Variants in SLC2A13 observed in about 807,000 individuals in gnomAD.
SLC2A13 encodes solute carrier family 2 member 13.
In SLC2A13, 32 loss-of-function variants were observed where a neutral mutation model predicts 64.4. The observed-to-expected ratio is 0.50, with a 90% CI of 0.37 to 0.67. The LOEUF (loss-of-function observed/expected upper bound fraction) is 0.67. Among genes scored for constraint, SLC2A13 ranks in the 30% least tolerant of loss-of-function variants. The pLI is 0.00. For missense variants in SLC2A13, 743 were observed against 829.2 expected (o/e 0.90, Z 1.28); for synonymous variants, 338 against 327.1 (o/e 1.03, Z -0.36).
At chr12:39,931,249 G>A (rs1412440975) in intron 4 of SLC2A13, among the ~76,000 whole-genome samples, 2 of 152,062 alleles carry the variant, frequency 1.3e-5, no homozygotes, top group African/African-American at 2.4e-5. Context: ...TATAAGGATC[G>A]TCTACTTCTT....
chr12:40,011,654 C>T (rs1947534355), intron 3 of SLC2A13, among the ~76,000 whole-genome samples: 1 of 152,146 alleles, frequency 6.6e-6, no homozygotes, highest in Non-Finnish European at 1.5e-5. Context: ...CCTCCCTCCC[C>T]GTCTCCTCCC....
chr12:39,954,175 C>T (rs187694298), intron 3 of SLC2A13, among the ~76,000 whole-genome samples: 8 of 152,278 alleles, frequency 5.3e-5, no homozygotes, highest in South Asian at 2.1e-4. Flanking sequence ...ACAAATGAGG[C>T]GAACCCTGTA....
chr12:39,975,359 A>C (rs1422118014), intron 3 of SLC2A13, among the ~76,000 whole-genome samples: 5 of 152,236 alleles, frequency 3.3e-5, no homozygotes, highest in African/African-American at 4.8e-5. Context: ...TATTTTAACT[A>C]CGTACATTCT....
At chr12:40,044,780 A>C (rs777041813) in intron 2 of SLC2A13, among the ~76,000 whole-genome samples, 24 of 152,166 alleles carry the variant, frequency 1.6e-4, no homozygotes, top group Non-Finnish European at 3.2e-4. Flanking sequence ...ACAACATCAA[A>C]ATCTAAATTG....
chr12:39,767,398 G>C (rs916629561), intron 7 of SLC2A13, among the ~76,000 whole-genome samples: 3 of 151,156 alleles, frequency 2.0e-5, no homozygotes, highest in Non-Finnish European at 4.4e-5. Flanking sequence ...AGGTTTTTTT[G>C]TTTCGTTTTA....
chr12:39,857,739 C>T (rs1270739589), intron 6 of SLC2A13, among the ~76,000 whole-genome samples: 3 of 152,146 alleles, frequency 2.0e-5, no homozygotes, highest in African/African-American at 4.8e-5. Context: ...CTGTCATTGG[C>T]CTGCTATCCA....
chr12:40,066,499 T>A (rs1937731986), intron 1 of SLC2A13, among the ~76,000 whole-genome samples: 1 of 152,154 alleles, frequency 6.6e-6, no homozygotes, highest in South Asian at 2.1e-4. Flanking sequence ...GTTCTAGAGG[T>A]AGAATTAAGA....
intron 4 of SLC2A13, among the ~76,000 whole-genome samples, chr12:39,906,797 T>C (rs770469382): frequency 1.8e-4 from 28 of 152,108 alleles, no homozygotes; most frequent in Non-Finnish European, 3.5e-4. Context: ...AATTGAACGT[T>C]GATAAAGTGG....
intron 1 of SLC2A13, among the ~76,000 whole-genome samples, chr12:40,057,112 G>A (rs1432245704): frequency 6.6e-6 from 1 of 152,036 alleles, no homozygotes; most frequent in African/African-American, 2.4e-5. Context: ...AAAAACACAC[G>A]AATTTAATAG....
chr12:40,105,198 G>A lies in SLC2A13; in HGVS notation c.556+55C>T. ...TGGGCAAGAGGCACGCAACACCCAG[G>A]GTCAAGGGCGGTGACAATGGGATCC... On this transcript the variant is annotated intron_variant, in intron 1 of 9. Transcript: ENST00000280871. This position sits in a 1 kb window ranked among gnomAD's most constrained non-coding sequence, Gnocchi z 4.2. 1 of 1,474,446 alleles carries A rather than the reference G, an allele frequency of 6.8e-7. No individual in the cohort carries two copies. Among genetic ancestry groups the A allele is most frequent in the East Asian group, 2.6e-5 (1 of 38,944 alleles). The allele number at this position is 1,474,446 out of a possible 1,614,324, so 91.3% of individuals were successfully genotyped here. A position where few individuals can be genotyped will look rare whatever the true frequency, so the allele number is the denominator to read the frequency against.
At chr12:39,816,828 G>A (rs1360952699) in intron 7 of SLC2A13, among the ~76,000 whole-genome samples, 1 of 152,020 alleles carries the variant, frequency 6.6e-6, no homozygotes, top group African/African-American at 2.4e-5. Context: ...ATGCTTTACT[G>A]AATTCAGAAG....
chr12:40,049,048 T>C (rs1948210635), intron 1 of SLC2A13, among the ~76,000 whole-genome samples: 1 of 152,152 alleles, frequency 6.6e-6, no homozygotes, highest in Non-Finnish European at 1.5e-5. Context: ...CCAAATGATT[T>C]CTTAAAGTCT....
chr12:39,889,101 C>T (rs1422282175), intron 4 of SLC2A13, among the ~76,000 whole-genome samples: 4 of 152,008 alleles, frequency 2.6e-5, no homozygotes, highest in Non-Finnish European at 5.9e-5. Context: ...AAGAATTGCT[C>T]TTATTTTTGC....
In SLC2A13 at chr12:39,864,824, G is replaced by T; in HGVS notation, c.1257C>A (p.Ser419=). The change falls in exon 6 of 10, where the codon TCC becomes TCA. Residue 419 remains serine, a synonymous_variant. Coordinates refer to ENST00000280871, the MANE Select transcript of SLC2A13 (RefSeq NM_052885.4). The part of the protein sequence containing the change: ...ALGFVLSAQV[S]PRITFKPIAP... ...CTATTGGCTTAAAAGTGATGCGTGG[G>T]GAAACTTGGGCTGATAGCACAAATC... The T allele has an allele frequency of 6.2e-7, 1 of 1,613,956 alleles. No individual in the cohort carries two copies. The highest frequency in any genetic ancestry group is 8.5e-7 in the Non-Finnish European group (1 of 1,179,936).
intron 3 of SLC2A13, among the ~76,000 whole-genome samples, chr12:39,951,961 A>ATGTGTGTATG (rs1946240107): frequency 6.6e-6 from 1 of 152,016 alleles, no homozygotes; most frequent in Non-Finnish European, 1.5e-5. Flanking sequence ...TTATCTATAG[A>ATGTGTGTATG]TGTGTGTATG....
chr12:39,926,804 A>T (rs890051957), intron 4 of SLC2A13, among the ~76,000 whole-genome samples: 3 of 152,068 alleles, frequency 2.0e-5, no homozygotes, highest in South Asian at 2.1e-4. Flanking sequence ...TTGTAGAGAC[A>T]GGGTCTCCCT....
At chr12:40,033,376 A>T (rs534925478) in intron 2 of SLC2A13, among the ~76,000 whole-genome samples, 1 of 152,356 alleles carries the variant, frequency 6.6e-6, no homozygotes, top group South Asian at 2.1e-4. Context: ...AAATGCAGTA[A>T]AACACTGCAG....
At chr12:39,800,273 T>C (rs143608105) in intron 7 of SLC2A13, among the ~76,000 whole-genome samples, 203 of 152,240 alleles carry the variant, frequency 1.3e-3, no homozygotes, top group Middle Eastern at 0.01. Context: ...ATAATATAAA[T>C]AGGAATGCAA....
intron 7 of SLC2A13, among the ~76,000 whole-genome samples, chr12:39,809,951 A>G (rs1458897845): frequency 7.2e-5 from 11 of 152,210 alleles, no homozygotes; most frequent in Admixed American, 7.2e-4. Context: ...TATTGTGAAT[A>G]GTGCCGCAAT....
Sources: gnomAD v4.1 joint callset for allele counts (sites outside exome capture counted in the v4.1 genomes callset) on GRCh38, gnomAD v4.1.1 for gene constraint, Gnocchi (gnomAD v3.1) non-coding constraint, MANE v1.5 for transcripts, NCBI Gene and HGNC (gene_info 2026-07-23, HGNC 2026-07-21) for gene names.